The following PIEZO2 variants were observed in gnomAD, a reference collection of about 807,000 sequenced individuals.
The protein encoded by PIEZO2 is piezo-type mechanosensitive ion channel component 2.
In PIEZO2, 172 loss-of-function variants were observed where a neutral mutation model predicts 337.3. The observed-to-expected ratio is 0.51, with a 90% CI of 0.45 to 0.58. The LOEUF (loss-of-function observed/expected upper bound fraction) is 0.58, where lower values mean the gene tolerates loss of function less well. PIEZO2 is among the 20% of genes least tolerant of loss of function. The probability of loss-of-function intolerance (pLI) is 0.00; values close to 1 mark genes in which losing one functional copy is unlikely to be tolerated. For missense variants in PIEZO2, 3,028 were observed against 3,391.3 expected, an observed-to-expected ratio of 0.89 and a Z score of 2.66; for synonymous variants, 1,251 against 1,228.5, an observed-to-expected ratio of 1.02 and a Z score of -0.38.
At position 10,846,799 on chromosome 18, in the gene PIEZO2, G is replaced by A. The variant is rs1329205653; in HGVS notation, c.917+8554C>T. On this transcript the variant is annotated intron_variant, in intron 7 of 55. Transcript: ENST00000674853. This position sits in a 1 kb window ranked among gnomAD's most constrained non-coding sequence, Gnocchi z 4.1. ...AGGAGCCAGTGAGAGCAGTGAGCAG[G>A]AGATTTCCAGCAAAGGAAACAGTAT... Among the ~76,000 whole-genome samples the A allele has an allele frequency of 2.6e-5, 4 of 152,208 alleles. No homozygotes were observed. The highest frequency in any genetic ancestry group is 2.6e-4 in the Admixed American group (4 of 15,278).
At position 10,682,602 on chromosome 18, in the gene PIEZO2, CAAGGGATCAAGTAT is replaced by C. The variant is rs144593528; in HGVS notation, c.7498-324_7498-311del. On this transcript the variant is annotated intron_variant, in intron 49 of 55. Coordinates refer to ENST00000674853, the MANE Select transcript of PIEZO2 (RefSeq NM_001378183.1). This position sits in a 1 kb window ranked among gnomAD's most constrained non-coding sequence, Gnocchi z 5.6. ...TTTTCCTGGTGATGAACTCCTGGAC[CAAGGGATCAAGTAT>C]CCGGCCGAATGAACCTTCTGGTTTT... Among the ~76,000 whole-genome samples, 3,415 of 152,150 alleles carry C rather than the reference CAAGGGATCAAGTAT, an allele frequency of 0.022. 130 individuals carry two copies. Among genetic ancestry groups the C allele is most frequent in the African/African-American group, 0.077 (3,201 of 41,500 alleles).
intron 2 of PIEZO2, among the ~76,000 whole-genome samples, chr18:11,010,091 T>C (rs1273836834): frequency 6.6e-6 from 1 of 152,200 alleles, no homozygotes; most frequent in Non-Finnish European, 1.5e-5. Context: ...TCCTGAAACC[T>C]CAAGATTTTC....
chr18:10,855,555 G>A lies in PIEZO2; in HGVS notation c.715C>T (p.Pro239Ser). ...ILLGSSGMML[P>S]SLTSSVYFFV... ...AAATACACAGATGATGTCAAAGACG[G>A]CAACATCATGCCTAAGGAAGAGAAA... Residue 239 changes from proline to serine, a missense_variant, in exon 7 of 56, where the codon CCG becomes TCG. Pro to Ser is a moderately conservative substitution (Grantham distance 74). Transcript: ENST00000674853. The surrounding 1 kb of genome is among the most constrained non-coding windows in gnomAD (Gnocchi z 4.9). The A allele has an allele frequency of 2.6e-6, 4 of 1,536,258 alleles. No homozygotes were observed. The highest frequency in any genetic ancestry group is 2.6e-6 in the Non-Finnish European group (3 of 1,146,366).
intron 7 of PIEZO2, among the ~76,000 whole-genome samples, chr18:10,825,333 T>A (rs2040637424): frequency 6.6e-6 from 1 of 152,158 alleles, no homozygotes; most frequent in Admixed American, 6.5e-5. Context: ...CCCCTTTGTT[T>A]TGCTTTGTTT....
chr18:10,780,995 T>A (rs571117470), intron 17 of PIEZO2, among the ~76,000 whole-genome samples: 4 of 151,512 alleles, frequency 2.6e-5, no homozygotes, highest in South Asian at 4.2e-4. Flanking sequence ...AAATATAATT[T>A]AAAAAATTAA....
In PIEZO2 at chr18:11,101,829, T is replaced by C. The variant is rs944772528; in HGVS notation, c.65-35607A>G. 1.3e-5 allele frequency among the ~76,000 whole-genome samples: 2 copies of C among 152,180 alleles called. No individual in the cohort carries two copies. Among genetic ancestry groups the C allele is most frequent in the Non-Finnish European group, 2.9e-5 (2 of 68,040 alleles). On this transcript the variant is annotated intron_variant, in intron 1 of 55. Transcript: ENST00000674853. The surrounding 1 kb of genome is among the most constrained non-coding windows in gnomAD (Gnocchi z 4.4). The stretch of plus-strand genomic sequence containing the variant: ...AGGCCTCGGCTACTCCCATGCTAAA[T>C]TTTTGGGACACACAAGCTCTTGTAC...
rs561120387 is a variant in PIEZO2 at position 10,903,871 on chromosome 18, C to T, written c.329+7315G>A. On this transcript the variant is annotated intron_variant, in intron 4 of 55. Coordinates refer to ENST00000674853, the MANE Select transcript of PIEZO2 (RefSeq NM_001378183.1). This position sits in a 1 kb window ranked among gnomAD's most constrained non-coding sequence, Gnocchi z 4.1. ...CCTGAAGTTAAGCTTTCACAGACAACTCCCATCCCTGTCCCCCAACTATGC... is the reference window on the plus strand; with the variant it reads ...CCTGAAGTTAAGCTTTCACAGACAATTCCCATCCCTGTCCCCCAACTATGC... Among the ~76,000 whole-genome samples the T allele has an allele frequency of 7.9e-5, 12 of 152,268 alleles. No homozygotes were observed. In the South Asian group the frequency reaches 2.5e-3, roughly 32 times the overall value.
At chr18:11,059,798 A>T (rs908553614) in intron 2 of PIEZO2, among the ~76,000 whole-genome samples, 2 of 152,158 alleles carry the variant, frequency 1.3e-5, no homozygotes, top group African/African-American at 2.4e-5. Flanking sequence ...ACTCCCACAC[A>T]ATAATAATGG....
chr18:10,881,057 TATTCAAATCAAGGG>T (rs2042406598), intron 4 of PIEZO2, among the ~76,000 whole-genome samples: 1 of 151,530 alleles, frequency 6.6e-6, no homozygotes, highest in Admixed American at 6.6e-5. Flanking sequence ...TCACTTCCAA[TATTCAAATCAAGGG>T]ATTCCAAAGT....
intron 55 of PIEZO2, 144 bp from the exon 56 acceptor site, chr18:10,671,923 G>A: frequency 2.7e-6 from 2 of 736,326 alleles, no homozygotes; most frequent in South Asian, 2.9e-5. Flanking sequence ...TTTCCCTTTG[G>A]TTAAAAAGTT....
At chr18:11,089,142 T>C in intron 1 of PIEZO2, among the ~76,000 whole-genome samples, 1 of 152,054 alleles carries the variant, frequency 6.6e-6, no homozygotes, top group East Asian at 1.9e-4. Flanking sequence ...CCTCCACACC[T>C]CCTGAGTCCA....
intron 3 of PIEZO2, among the ~76,000 whole-genome samples, chr18:10,966,579 T>C (rs1385803589): frequency 6.6e-6 from 1 of 152,218 alleles, no homozygotes; most frequent in African/African-American, 2.4e-5. Context: ...TGAGTGCAGA[T>C]TGAATCACTG....
At chr18:10,742,385 T>C (rs2037259431) in intron 32 of PIEZO2, 109 bp downstream of exon 32, 1 of 1,248,282 alleles carries the variant, frequency 8.0e-7, no homozygotes, top group East Asian at 2.6e-5. Flanking sequence ...CAAAAAAGTG[T>C]ATCGATAATC....
chr18:11,101,194 T>C lies in PIEZO2; in HGVS notation c.65-34972A>G, dbSNP rs2039409816. On this transcript the variant is annotated intron_variant, in intron 1 of 55. Transcript: ENST00000674853. This position sits in a 1 kb window ranked among gnomAD's most constrained non-coding sequence, Gnocchi z 4.4. ...TCAAGCCCATTTTGGGCTCATTCCA[T>C]CTGGGCCAGCCCAAGCCCTTTACTG... Among the ~76,000 whole-genome samples, 1 of 152,218 alleles carries C rather than the reference T, an allele frequency of 6.6e-6. No homozygotes were observed. Among genetic ancestry groups the C allele is most frequent in the African/African-American group, 2.4e-5 (1 of 41,470 alleles).
chr18:10,874,345 C>A (rs1289942757), intron 4 of PIEZO2, among the ~76,000 whole-genome samples: 3 of 152,058 alleles, frequency 2.0e-5, no homozygotes, highest in Non-Finnish European at 2.9e-5. Context: ...GAAAGGGGAA[C>A]CCCTGTATAC....
At chr18:11,022,768 C>CA (rs2036360587) in intron 2 of PIEZO2, among the ~76,000 whole-genome samples, 1 of 152,186 alleles carries the variant, frequency 6.6e-6, no homozygotes, top group Non-Finnish European at 1.5e-5. Flanking sequence ...GAACTCTAGG[C>CA]TATTTTGTCC....
chr18:10,797,365 C>T lies in PIEZO2; in HGVS notation c.1527+9G>A. ...TATCATATTATACCTATCATCATAT[C>T]ATACATACCATCATAGCTATGAGGG... On this transcript the variant is annotated intron_variant, in intron 12 of 55. Coordinates refer to ENST00000674853, the MANE Select transcript of PIEZO2 (RefSeq NM_001378183.1). 1 of 1,521,768 alleles carries T rather than the reference C, an allele frequency of 6.6e-7. No individual in the cohort carries two copies. Among genetic ancestry groups the T allele is most frequent in the Non-Finnish European group, 8.8e-7 (1 of 1,133,230 alleles). 94.3% of individuals were successfully genotyped at this position (1,521,768 alleles called of 1,614,324 possible).
intron 31 of PIEZO2, 35 bp from the exon 32 acceptor site, chr18:10,742,650 C>T: frequency 6.5e-7 from 1 of 1,534,860 alleles, no homozygotes; most frequent in Non-Finnish European, 8.7e-7. Flanking sequence ...ATGCCAAGAA[C>T]ATATTCATTG....
chr18:10,772,296 A>C (rs1470544561), intron 20 of PIEZO2, among the ~76,000 whole-genome samples: 2 of 152,198 alleles, frequency 1.3e-5, no homozygotes, highest in Non-Finnish European at 2.9e-5. Flanking sequence ...GTAGGTAATA[A>C]ATGAGCATGA....
Sources: gnomAD v4.1 joint callset for allele counts (sites outside exome capture counted in the v4.1 genomes callset) on GRCh38, gnomAD v4.1.1 for gene constraint, Gnocchi (gnomAD v3.1) non-coding constraint, MANE v1.5 for transcripts, NCBI Gene and HGNC (gene_info 2026-07-23, HGNC 2026-07-21) for gene names.